The following COMMD1 variants were observed in gnomAD, a reference collection of about 807,000 sequenced individuals.
The protein encoded by COMMD1 is copper metabolism domain containing 1.
Under a neutral mutation model 17.2 loss-of-function variants are expected in COMMD1, and 10 were observed. The observed-to-expected ratio is 0.58, with a 90% CI of 0.36 to 0.99. The LOEUF (loss-of-function observed/expected upper bound fraction) is 0.99. COMMD1 is among the 50% of genes least tolerant of loss of function. COMMD1 has a pLI of 0.01. For synonymous variants in COMMD1, 97 were observed against 91.6 expected, an observed-to-expected ratio of 1.06 and a Z score of -0.34; for missense variants, 270 against 231.8, an observed-to-expected ratio of 1.17 and a Z score of -1.07.
chr2:61,911,430 G>A (rs1208068297), intron 1 of COMMD1, among the ~76,000 whole-genome samples: 1 of 151,086 alleles, frequency 6.6e-6, no homozygotes, highest in African/African-American at 2.4e-5. Context: ...GAGCCGGGAT[G>A]GCACCATTGC....
At chr2:62,043,431 T>G (rs369991873) in intron 2 of COMMD1, among the ~76,000 whole-genome samples, 5 of 152,152 alleles carry the variant, frequency 3.3e-5, no homozygotes, top group Non-Finnish European at 7.4e-5. Context: ...TCTTTAAATT[T>G]TTGTTGTTGT....
At chr2:61,921,636 G>A (rs545127797) in intron 1 of COMMD1, among the ~76,000 whole-genome samples, 10 of 152,078 alleles carry the variant, frequency 6.6e-5, no homozygotes, top group Non-Finnish European at 1.3e-4. Context: ...GTAGAGACGG[G>A]GTTTCACCGT....
At chr2:61,929,886 T>G (rs1670418929) in intron 1 of COMMD1, among the ~76,000 whole-genome samples, 1 of 152,054 alleles carries the variant, frequency 6.6e-6, no homozygotes, top group Non-Finnish European at 1.5e-5. Context: ...GAGCTGTGAT[T>G]GTACCACTGG....
intron 1 of COMMD1, among the ~76,000 whole-genome samples, chr2:61,910,211 A>G (rs1669868469): frequency 6.6e-6 from 1 of 151,984 alleles, no homozygotes; most frequent in South Asian, 2.1e-4. Flanking sequence ...ATACTCTTGT[A>G]TTTATATATA....
intron 1 of COMMD1, among the ~76,000 whole-genome samples, chr2:61,986,808 A>G (rs900475598): frequency 2.0e-5 from 3 of 151,986 alleles, no homozygotes; most frequent in South Asian, 2.1e-4. Context: ...AGCTCAGGCA[A>G]TCTGCCTGCC....
chr2:62,041,914 T>C (rs1201336559), intron 2 of COMMD1, among the ~76,000 whole-genome samples: 1 of 152,132 alleles, frequency 6.6e-6, no homozygotes. Flanking sequence ...AGCAGCAAGA[T>C]TTATTGTGAA....
chr2:62,080,066 C>T (rs1671475103), intron 2 of COMMD1, among the ~76,000 whole-genome samples: 1 of 152,192 alleles, frequency 6.6e-6, no homozygotes, highest in South Asian at 2.1e-4. Context: ...TAATGACTGG[C>T]ATTCTGTGTG....
chr2:61,985,388 G>A (rs1205061305), intron 1 of COMMD1, among the ~76,000 whole-genome samples: 2 of 152,136 alleles, frequency 1.3e-5, no homozygotes, highest in African/African-American at 4.8e-5. Flanking sequence ...TTTCTTTTAG[G>A]CTACAGATCA....
chr2:62,100,837 T>C (rs1672159376), intron 2 of COMMD1, among the ~76,000 whole-genome samples: 1 of 152,228 alleles, frequency 6.6e-6, no homozygotes, highest in South Asian at 2.1e-4. Context: ...AAGATCTAGC[T>C]ATGTTAATAG....
At chr2:61,999,862 G>A (rs1377524114) in intron 1 of COMMD1, among the ~76,000 whole-genome samples, 1 of 151,888 alleles carries the variant, frequency 6.6e-6, no homozygotes, top group African/African-American at 2.4e-5. Flanking sequence ...GATATTTGAT[G>A]TTTCCAAAGG....
At chr2:61,941,656 G>C (rs13421704) in intron 1 of COMMD1, among the ~76,000 whole-genome samples, 17,565 of 152,176 alleles carry the variant, frequency 0.12, 2,415 homozygotes, top group African/African-American at 0.33. Flanking sequence ...GCTGGTTGTT[G>C]TCTCAGGAAT....
At chr2:62,000,597 C>G (rs1668902116) in intron 1 of COMMD1, 104 bp from the exon 2 acceptor site, 1 of 1,112,782 alleles carries the variant, frequency 9.0e-7, no homozygotes, top group Non-Finnish European at 1.3e-6. Context: ...TGGGCTATTT[C>G]AGTGATTTAA....
At chr2:62,061,362 TTGAC>T (rs201053381) in intron 2 of COMMD1, among the ~76,000 whole-genome samples, 1,722 of 152,278 alleles carry the variant, frequency 0.011, 36 homozygotes, top group African/African-American at 0.04. Flanking sequence ...GGCAGTTAAC[TTGAC>T]TGAGTCTAAC....
intron 1 of COMMD1, chr2:61,969,015 T>C (rs1276566607): frequency 2.2e-6 from 1 of 444,834 alleles, no homozygotes. Flanking sequence ...TGGGTATTCA[T>C]AGGCACAATC....
chr2:62,096,096 C>T (rs931711269), intron 2 of COMMD1, among the ~76,000 whole-genome samples: 2 of 151,786 alleles, frequency 1.3e-5, no homozygotes, highest in African/African-American at 4.8e-5. Flanking sequence ...TAGTGCAAAG[C>T]AACTAACTTT....
At chr2:61,919,664 T>C (rs1421071378) in intron 1 of COMMD1, among the ~76,000 whole-genome samples, 9 of 152,064 alleles carry the variant, frequency 5.9e-5, no homozygotes, top group Non-Finnish European at 4.4e-5. Context: ...GATTGTGAGG[T>C]AGGAACTGGT....
In COMMD1 at chr2:62,135,944, A is replaced by T; in HGVS notation, c.*3A>T. On this transcript the variant is annotated 3_prime_UTR_variant, in exon 3 of 3. Coordinates refer to ENST00000311832, the MANE Select transcript of COMMD1 (RefSeq NM_152516.4). The stretch of plus-strand genomic sequence containing the variant: ...CACTGATCAGCCAGCCTAACTGAAG[A>T]TGATGTATGAAGGAGTTGGAGTTGT... 1 of 1,465,024 alleles carries T rather than the reference A, an allele frequency of 6.8e-7. No individual in the cohort carries two copies. The highest frequency in any genetic ancestry group is 1.1e-5 in the South Asian group (1 of 88,294). 90.8% of individuals were successfully genotyped at this position (1,465,024 alleles called of 1,614,324 possible). A position where few individuals can be genotyped will look rare whatever the true frequency, so the allele number is the denominator to read the frequency against.
chr2:62,084,868 A>G (rs1671616948), intron 2 of COMMD1: 1 of 152,202 alleles, frequency 6.6e-6, no homozygotes, highest in Non-Finnish European at 1.5e-5. Flanking sequence ...GACTTTAGGG[A>G]AACCTAAGTA....
intron 2 of COMMD1, among the ~76,000 whole-genome samples, chr2:62,007,042 A>T (rs1669141296): frequency 6.6e-6 from 1 of 152,222 alleles, no homozygotes; most frequent in South Asian, 2.1e-4. Flanking sequence ...ACCATTTAGT[A>T]CTGAATTGTT....
Sources: gnomAD v4.1 joint callset for allele counts (sites outside exome capture counted in the v4.1 genomes callset) on GRCh38, gnomAD v4.1.1 for gene constraint, MANE v1.5 for transcripts, NCBI Gene and HGNC (gene_info 2026-07-23, HGNC 2026-07-21) for gene names.